TMIGD3: variants seen among roughly 807,000 people sequenced by gnomAD.
TMIGD3 encodes transmembrane and immunoglobulin domain containing 3, also known as AD026 protein (AD026).
TMIGD3 carries 21 observed loss-of-function variants against 28.1 expected under a neutral mutation model. That is an observed-to-expected ratio of 0.75 (90% CI 0.53 to 1.08). The LOEUF (loss-of-function observed/expected upper bound fraction) is 1.08. TMIGD3 is among the 50% of genes least tolerant of loss of function. The pLI, the probability that TMIGD3 is intolerant of heterozygous loss-of-function variation, is 0.00. For missense variants in TMIGD3, 416 were observed against 435.6 expected, an observed-to-expected ratio of 0.96 and a Z score of 0.40; for synonymous variants, 151 against 162.1, an observed-to-expected ratio of 0.93 and a Z score of 0.52.
At chr1:111,489,668 T>G in intron 2 of TMIGD3, 1 of 1,079,886 alleles carries the variant, frequency 9.3e-7, no homozygotes, top group Non-Finnish European at 1.2e-6. Flanking sequence ...AGGCTTACCG[T>G]TAGGAGGCCC....
At chr1:111,559,868 C>T (rs1185723291) in intron 1 of TMIGD3, among the ~76,000 whole-genome samples, 1 of 152,102 alleles carries the variant, frequency 6.6e-6, no homozygotes. Flanking sequence ...AAAGATGCAG[C>T]ATAAATTACT....
Position 111,503,125 on chromosome 1 carries a change from G to C in TMIGD3, c.230C>G (p.Thr77Arg), listed in dbSNP as rs377061127. The stretch of plus-strand genomic sequence containing the variant: ...AAAAAGGCAGCTGTAGAAGTGGATT[G>C]TGATGCCCAGGCTGACAACAATGGC... ...PLAIVVSLGI[T>R]IHFYSCLFMT... is the part of the protein sequence containing the mutation. The change falls in exon 1 of 6, where the codon ACA becomes AGA. Residue 77 changes from threonine to arginine, a missense_variant. By Grantham distance (71) the Thr-to-Arg change is moderately conservative. Transcript: ENST00000369716. 33 of 1,614,210 alleles carry C rather than the reference G, an allele frequency of 2.0e-5. No homozygotes were observed. In the South Asian group the frequency reaches 3.0e-4, roughly 14 times the overall value.
intron 5 of TMIGD3, among the ~76,000 whole-genome samples, 163 bp from the exon 6 acceptor site, chr1:111,483,920 A>C (rs1035446758): frequency 1.3e-5 from 2 of 152,216 alleles, no homozygotes; most frequent in Non-Finnish European, 2.9e-5. Flanking sequence ...TGCAAAGCCC[A>C]TCAGTAGGAA....
intron 1 of TMIGD3, among the ~76,000 whole-genome samples, chr1:111,497,150 G>A (rs917408616): frequency 1.3e-5 from 2 of 152,016 alleles, no homozygotes; most frequent in Non-Finnish European, 2.9e-5. Flanking sequence ...TCGTTCTGTC[G>A]CCCAGGCTGG....
At chr1:111,547,522 C>G (rs906355729) in intron 1 of TMIGD3, among the ~76,000 whole-genome samples, 7 of 152,100 alleles carry the variant, frequency 4.6e-5, no homozygotes, top group Non-Finnish European at 7.4e-5. Context: ...CAACATTAAG[C>G]TCCATCAATT....
At position 111,498,479 on chromosome 1, in the gene TMIGD3, C is replaced by T. The variant is rs182153041; in HGVS notation, c.350+4526G>A. Among the ~76,000 whole-genome samples, 6 of 152,292 alleles carry T rather than the reference C, an allele frequency of 3.9e-5. No individual in the cohort carries two copies. The East Asian group carries it at 9.6e-4, about 24-fold the overall frequency. ...AGGCAAAAATCTGGAAGTCCTCAAG[C>T]GTACAAAGCTGTAGTTTGTGCCTAT... On this transcript the variant is annotated intron_variant, in intron 1 of 5. Coordinates refer to ENST00000369716, the MANE Select transcript of TMIGD3 (RefSeq NM_020683.7).
At chr1:111,552,548 A>C (rs985207483) in intron 1 of TMIGD3, among the ~76,000 whole-genome samples, 4 of 152,182 alleles carry the variant, frequency 2.6e-5, no homozygotes, top group African/African-American at 7.2e-5. Flanking sequence ...CAGAGACCAT[A>C]ATTCACCATT....
chr1:111,535,960 C>A (rs1055683844), intron 1 of TMIGD3, among the ~76,000 whole-genome samples: 1 of 152,184 alleles, frequency 6.6e-6, no homozygotes, highest in Non-Finnish European at 1.5e-5. Flanking sequence ...AGTGCACAGA[C>A]CAGCAGCCAG....
intron 1 of TMIGD3, among the ~76,000 whole-genome samples, chr1:111,540,908 T>C (rs1656800550): frequency 6.6e-6 from 1 of 152,202 alleles, no homozygotes; most frequent in Non-Finnish European, 1.5e-5. Context: ...GGCAAACAGT[T>C]ACACAAATTA....
intron 1 of TMIGD3, among the ~76,000 whole-genome samples, chr1:111,494,111 C>G (rs550618132): frequency 1.3e-5 from 2 of 152,346 alleles, no homozygotes; most frequent in African/African-American, 4.8e-5. Flanking sequence ...AATAGTAAGC[C>G]AGCCTGCTGT....
At chr1:111,542,215 G>A (rs1396466749) in intron 1 of TMIGD3, 22 of 573,942 alleles carry the variant, frequency 3.8e-5, no homozygotes, top group South Asian at 2.8e-4. Flanking sequence ...TAATGAAACA[G>A]ACATCCTTCG....
chr1:111,484,042 A>G (rs1654244342), intron 5 of TMIGD3, among the ~76,000 whole-genome samples: 1 of 152,190 alleles, frequency 6.6e-6, no homozygotes, highest in African/African-American at 2.4e-5. Flanking sequence ...AGGCTGCCAC[A>G]TTTCATCTGC....
chr1:111,512,197 G>A (rs2100995365), intron 1 of TMIGD3, among the ~76,000 whole-genome samples: 1 of 152,372 alleles, frequency 6.6e-6, no homozygotes, highest in Middle Eastern at 3.4e-3. Flanking sequence ...CTAGTGGGTA[G>A]AATAGTGGGT....
At chr1:111,519,806 C>T (rs1259120711) in intron 1 of TMIGD3, among the ~76,000 whole-genome samples, 1 of 151,986 alleles carries the variant, frequency 6.6e-6, no homozygotes, top group Admixed American at 6.6e-5. Context: ...GATTGTCCTC[C>T]CTCAGCTTCC....
chr1:111,496,698 A>C (rs1474385458), intron 1 of TMIGD3, among the ~76,000 whole-genome samples: 2 of 152,214 alleles, frequency 1.3e-5, no homozygotes, highest in African/African-American at 4.8e-5. Flanking sequence ...TGAATGCTCA[A>C]ATAAACTCAT....
At chr1:111,489,566 G>A in intron 2 of TMIGD3, 1 of 1,074,050 alleles carries the variant, frequency 9.3e-7, no homozygotes, top group Middle Eastern at 2.7e-4. Flanking sequence ...AACTAATAAA[G>A]CAACTCTGGA....
upstream of TMIGD3, chr1:111,505,036 C>A: frequency 1.0e-6 from 1 of 978,772 alleles, no homozygotes; most frequent in Non-Finnish European, 1.2e-6. Context: ...ATGTGTCCCT[C>A]ATAAATGTTT....
chr1:111,486,531 C>T, intron 4 of TMIGD3, 55 bp downstream of exon 4: 2 of 1,355,778 alleles, frequency 1.5e-6, no homozygotes, highest in Non-Finnish European at 2.1e-6. Context: ...CCACCCCAGC[C>T]CCTACCTCCA....
chr1:111,545,820 A>G (rs1462321435), intron 1 of TMIGD3, among the ~76,000 whole-genome samples: 2 of 152,118 alleles, frequency 1.3e-5, no homozygotes, highest in Non-Finnish European at 2.9e-5. Flanking sequence ...TGGGAGTCCA[A>G]CTTCATTCTT....
Sources: gnomAD v4.1 joint callset for allele counts (sites outside exome capture counted in the v4.1 genomes callset) on GRCh38, gnomAD v4.1.1 for gene constraint, MANE v1.5 for transcripts, NCBI Gene and HGNC (gene_info 2026-07-23, HGNC 2026-07-21) for gene names.